The following LSAMP variants were observed in gnomAD, a reference collection of about 807,000 sequenced individuals.
LSAMP encodes limbic system associated membrane protein.
Under a neutral mutation model 38.6 loss-of-function variants are expected in LSAMP, and 7 were observed. The observed-to-expected ratio is 0.18, with a 90% confidence interval of 0.10 to 0.34. The LOEUF (loss-of-function observed/expected upper bound fraction) is 0.34. Ranked by LOEUF, LSAMP falls within the 10% of genes least tolerant of loss-of-function variation. The pLI is 1.00. For synonymous variants in LSAMP, 154 were observed against 166.8 expected (o/e 0.92, Z 0.59); for missense variants, 313 against 420.0 (o/e 0.75, Z 2.23).
At chr3:116,143,906 T>C (rs1463631107) in intron 1 of LSAMP, among the ~76,000 whole-genome samples, 2 of 151,932 alleles carry the variant, frequency 1.3e-5, no homozygotes, top group Non-Finnish European at 2.9e-5. Context: ...AATATATTTA[T>C]TTGTAATATT....
At chr3:116,057,956 C>CA (rs59036391) in intron 2 of LSAMP, among the ~76,000 whole-genome samples, 1,522 of 109,012 alleles carry the variant, frequency 0.014, 7 homozygotes, top group Non-Finnish European at 0.022. Context: ...CACACACACA[C>CA]CCACACACAC....
At chr3:116,430,942 T>C (rs1255737357) in intron 1 of LSAMP, among the ~76,000 whole-genome samples, 1 of 152,084 alleles carries the variant, frequency 6.6e-6, no homozygotes, top group East Asian at 1.9e-4. Flanking sequence ...CTTCCTTTCT[T>C]CTTTTTTGAA....
At chr3:115,854,027 C>T (rs2107525056) in intron 3 of LSAMP, among the ~76,000 whole-genome samples, 1 of 152,032 alleles carries the variant, frequency 6.6e-6, no homozygotes, top group South Asian at 2.1e-4. Flanking sequence ...GAACATGGGG[C>T]TTCTTTGCTA....
At chr3:116,247,668 A>G (rs2046621652) in intron 1 of LSAMP, among the ~76,000 whole-genome samples, 1 of 152,168 alleles carries the variant, frequency 6.6e-6, no homozygotes, top group Admixed American at 6.5e-5. Flanking sequence ...GTGGATGAAA[A>G]CCAGGGAGAA....
intron 1 of LSAMP, among the ~76,000 whole-genome samples, chr3:116,329,087 G>C (rs1431656868): frequency 6.6e-6 from 1 of 152,070 alleles, no homozygotes; most frequent in Non-Finnish European, 1.5e-5. Context: ...TATTGGGTAG[G>C]TTTCAATAAG....
chr3:116,086,248 T>G (rs1707985678), intron 2 of LSAMP, 76 bp downstream of exon 2: 1 of 1,119,902 alleles, frequency 8.9e-7, no homozygotes. Flanking sequence ...GGAAGGATTC[T>G]GCAAATATTT....
chr3:116,391,242 C>T (rs952140613), intron 1 of LSAMP, among the ~76,000 whole-genome samples: 2 of 151,682 alleles, frequency 1.3e-5, no homozygotes, highest in East Asian at 2.0e-4. Flanking sequence ...CTGGCAGTAG[C>T]GGCAGGAGCA....
chr3:115,933,822 C>A (rs17696755), intron 3 of LSAMP, among the ~76,000 whole-genome samples: 1 of 152,118 alleles, frequency 6.6e-6, no homozygotes, highest in Non-Finnish European at 1.5e-5. Context: ...GTGCCCTCCG[C>A]GAGAATGTGC....
intron 1 of LSAMP, among the ~76,000 whole-genome samples, chr3:116,131,367 G>T (rs771883896): frequency 6.6e-6 from 1 of 152,076 alleles, no homozygotes; most frequent in South Asian, 2.1e-4. Flanking sequence ...TGGTACTCAG[G>T]CCTGAGCCAC....
chr3:115,886,468 G>T (rs929381833), intron 3 of LSAMP, among the ~76,000 whole-genome samples: 1 of 151,956 alleles, frequency 6.6e-6, no homozygotes, highest in Non-Finnish European at 1.5e-5. Flanking sequence ...ACAAAAGGTG[G>T]TTATTTAGTT....
chr3:115,814,045 T>C (rs1376911334), intron 6 of LSAMP: 9 of 152,186 alleles, frequency 5.9e-5, no homozygotes, highest in Non-Finnish European at 1.3e-4. Context: ...TATATGTGTG[T>C]TATATATGTG....
chr3:115,929,983 A>C (rs1371660000), intron 3 of LSAMP, among the ~76,000 whole-genome samples: 1 of 145,426 alleles, frequency 6.9e-6, no homozygotes, highest in African/African-American at 2.5e-5. Context: ...TATTATCCAG[A>C]TCTATAAATT....
At chr3:116,138,654 T>C (rs1174715933) in intron 1 of LSAMP, among the ~76,000 whole-genome samples, 1 of 151,878 alleles carries the variant, frequency 6.6e-6, no homozygotes, top group East Asian at 1.9e-4. Flanking sequence ...CAGCAATGAG[T>C]AGGGATCAGT....
intron 3 of LSAMP, among the ~76,000 whole-genome samples, chr3:115,930,036 G>A: frequency 1.4e-5 from 1 of 71,944 alleles, no homozygotes. Context: ...TGACACAGCA[G>A]ATAGGTCTTG....
At chr3:116,378,127 A>G (rs2048516294) in intron 1 of LSAMP, among the ~76,000 whole-genome samples, 1 of 152,030 alleles carries the variant, frequency 6.6e-6, no homozygotes, top group African/African-American at 2.4e-5. Flanking sequence ...TTTTTCTCCA[A>G]ACCTCTACTT....
chr3:116,379,364 A>G (rs969880613), intron 1 of LSAMP, among the ~76,000 whole-genome samples: 3 of 152,084 alleles, frequency 2.0e-5, no homozygotes, highest in Non-Finnish European at 4.4e-5. Flanking sequence ...CGACTCTTAG[A>G]GATCCAGACA....
At chr3:115,908,595 A>G (rs563215696) in intron 3 of LSAMP, among the ~76,000 whole-genome samples, 11 of 152,184 alleles carry the variant, frequency 7.2e-5, no homozygotes, top group Non-Finnish European at 1.2e-4. Flanking sequence ...ACAGATATGC[A>G]GCCTCTGATA....
chr3:116,281,611 A>G (rs966588135), intron 1 of LSAMP, among the ~76,000 whole-genome samples: 2 of 152,228 alleles, frequency 1.3e-5, no homozygotes, highest in Non-Finnish European at 2.9e-5. Flanking sequence ...GTAATATAGA[A>G]GATACACAAA....
chr3:116,175,104 CA>C (rs1313158890), intron 1 of LSAMP, among the ~76,000 whole-genome samples: 1 of 152,064 alleles, frequency 6.6e-6, no homozygotes, highest in African/African-American at 2.4e-5. Context: ...CCTTTACTCA[CA>C]GTATATAACA....
Sources: gnomAD v4.1 joint callset for allele counts (sites outside exome capture counted in the v4.1 genomes callset) on GRCh38, gnomAD v4.1.1 for gene constraint, MANE v1.5 for transcripts, NCBI Gene and HGNC (gene_info 2026-07-23, HGNC 2026-07-21) for gene names.